The following SPATA31H1 variants were observed in gnomAD, a reference collection of about 807,000 sequenced individuals.
The protein encoded by SPATA31H1 is SPATA31 subfamily H member 1, also known as spermatogenesis-associated protein 31H1.
the SPATA31H1 span, chr2:27,567,119 T>G: frequency 1.4e-6 from 1 of 702,706 alleles, no homozygotes; most frequent in South Asian, 1.5e-5. Context: ...ACTCTATTTC[T>G]GAACCCCTAA....
chr2:27,541,349 C>A, the SPATA31H1 span, among the ~76,000 whole-genome samples: 8 of 151,284 alleles, frequency 5.3e-5, no homozygotes, highest in Non-Finnish European at 1.5e-5. Context: ...GCAGCAGTAC[C>A]GTCCAGCTTT....
the SPATA31H1 span, among the ~76,000 whole-genome samples, chr2:27,540,771 T>TC: frequency 1.1e-5 from 1 of 90,864 alleles, no homozygotes; most frequent in East Asian, 4.0e-4. Flanking sequence ...GCAGAGGTGC[T>TC]CCCCACATCT....
the SPATA31H1 span, chr2:27,580,297 T>C: frequency 6.2e-7 from 1 of 1,614,106 alleles, no homozygotes; most frequent in Non-Finnish European, 8.5e-7. Flanking sequence ...AGGCCTGACT[T>C]AGTAGAAAAG....
chr2:27,579,155 AG>A, the SPATA31H1 span: 1 of 1,614,210 alleles, frequency 6.2e-7, no homozygotes, highest in Non-Finnish European at 8.5e-7. Context: ...GGGTTCAGAA[AG>A]GTCTCATCAA....
the SPATA31H1 span, chr2:27,571,582 G>C: frequency 2.5e-6 from 1 of 398,480 alleles, no homozygotes; most frequent in Non-Finnish European, 4.4e-6. Context: ...AAGATGCAAG[G>C]TGAGTCTATG....
chr2:27,582,277 G>T, the SPATA31H1 span: 1 of 1,613,136 alleles, frequency 6.2e-7, no homozygotes, highest in African/African-American at 1.3e-5. Context: ...AGGAGCCATC[G>T]CAGTTCCTGT....
the SPATA31H1 span, among the ~76,000 whole-genome samples, chr2:27,549,414 T>G: frequency 2.0e-5 from 3 of 151,836 alleles, 1 homozygote; most frequent in Non-Finnish European, 4.4e-5. Context: ...TCATAGTCAC[T>G]GCAGCCTTGA....
the SPATA31H1 span, chr2:27,582,370 G>C: frequency 2.9e-5 from 47 of 1,614,192 alleles, no homozygotes; most frequent in Admixed American, 6.0e-4. Context: ...GAGAGGAGCC[G>C]ACGCAGTCCC....
the SPATA31H1 span, chr2:27,567,984 C>T: frequency 2.5e-6 from 1 of 398,884 alleles, no homozygotes; most frequent in Admixed American, 4.4e-5. Flanking sequence ...AACCCCCAAA[C>T]CACCAAATCA....
At chr2:27,554,737 C>T in the SPATA31H1 span, among the ~76,000 whole-genome samples, 1 of 151,972 alleles carries the variant, frequency 6.6e-6, no homozygotes, top group South Asian at 2.1e-4. Context: ...TCATGCCCGG[C>T]TAATTTTTGT....
At chr2:27,574,536 C>T in the SPATA31H1 span, 3 of 398,480 alleles carry the variant, frequency 7.5e-6, no homozygotes, top group Non-Finnish European at 1.3e-5. Context: ...TTCTGGACAA[C>T]ACTTTCAAGG....
the SPATA31H1 span, among the ~76,000 whole-genome samples, chr2:27,561,397 T>C: frequency 6.6e-6 from 1 of 152,244 alleles, no homozygotes; most frequent in Non-Finnish European, 1.5e-5. Context: ...GTTTGTTGCA[T>C]GTTTACACTG....
At chr2:27,539,638 TC>T in the SPATA31H1 span, among the ~76,000 whole-genome samples, 2 of 107,216 alleles carry the variant, frequency 1.9e-5, no homozygotes, top group Non-Finnish European at 3.7e-5. Context: ...TGGGCACACC[TC>T]CCAGACGGGG....
chr2:27,581,713 C>G, the SPATA31H1 span: 1 of 1,613,284 alleles, frequency 6.2e-7, no homozygotes, highest in Admixed American at 1.7e-5. Flanking sequence ...CACAGTCCCT[C>G]TAAGAGAAGC....
chr2:27,549,851 C>T, the SPATA31H1 span, among the ~76,000 whole-genome samples: 1 of 151,810 alleles, frequency 6.6e-6, no homozygotes, highest in Non-Finnish European at 1.5e-5. Context: ...GAGATGGGGT[C>T]TCACTATATT....
chr2:27,580,693 A>G, the SPATA31H1 span: 3 of 1,614,234 alleles, frequency 1.9e-6, no homozygotes, highest in Middle Eastern at 1.6e-4. Flanking sequence ...GTTGGGCGGA[A>G]GCCTGTGGAC....
chr2:27,582,407 C>A, the SPATA31H1 span: 1 of 1,614,178 alleles, frequency 6.2e-7, no homozygotes, highest in Non-Finnish European at 8.5e-7. Flanking sequence ...AGTACAGTTT[C>A]CCTGGAGAGA....
chr2:27,572,771 T>G, the SPATA31H1 span: 1 of 396,588 alleles, frequency 2.5e-6, no homozygotes, highest in Non-Finnish European at 4.4e-6. Flanking sequence ...AGTCGAAATC[T>G]TCCATAGAGT....
chr2:27,538,925 A>T, the SPATA31H1 span, among the ~76,000 whole-genome samples: 1 of 152,038 alleles, frequency 6.6e-6, no homozygotes, highest in Non-Finnish European at 1.5e-5. Context: ...CTATTGATAC[A>T]GCAGTAAGTG....
Sources: allele counts gnomAD v4.1 joint callset (sites outside exome capture counted in the v4.1 genomes callset), GRCh38; gene constraint gnomAD v4.1.1; transcripts MANE v1.5; gene names NCBI Gene and HGNC (gene_info 2026-07-23, HGNC 2026-07-21).